ST6GALNAC3: variants seen among roughly 807,000 people sequenced by gnomAD.
ST6GALNAC3 encodes ST6 N-acetylgalactosaminide alpha-2,6-sialyltransferase 3.
Under a neutral mutation model 32.7 loss-of-function variants are expected in ST6GALNAC3, and 25 were observed. That is an observed-to-expected ratio of 0.76 (90% CI 0.56 to 1.07). ST6GALNAC3 has a LOEUF of 1.07. Ranked by LOEUF, ST6GALNAC3 falls within the 50% of genes least tolerant of loss-of-function variation. The pLI is 0.00. For missense variants in ST6GALNAC3, 355 were observed against 382.4 expected, an observed-to-expected ratio of 0.93 and a Z score of 0.60; for synonymous variants, 129 against 133.1, an observed-to-expected ratio of 0.97 and a Z score of 0.21.
chr1:76,312,331 AC>A (rs1205521552), intron 1 of ST6GALNAC3, among the ~76,000 whole-genome samples: 1 of 152,132 alleles, frequency 6.6e-6, no homozygotes, highest in Non-Finnish European at 1.5e-5. Flanking sequence ...CTAGAAGAAA[AC>A]CTAGGCAGTA....
At chr1:76,621,883 T>C (rs572249979) in intron 3 of ST6GALNAC3, among the ~76,000 whole-genome samples, 1 of 152,142 alleles carries the variant, frequency 6.6e-6, no homozygotes, top group East Asian at 1.9e-4. Flanking sequence ...GTGTAGTATA[T>C]TGATGAGAGA....
chr1:76,141,678 A>G (rs913771553), intron 1 of ST6GALNAC3, among the ~76,000 whole-genome samples: 17 of 152,236 alleles, frequency 1.1e-4, no homozygotes, highest in Non-Finnish European at 8.8e-5. Context: ...AAGATTTATA[A>G]CAAAGTTTTT....
chr1:76,563,801 T>A (rs1446860619), intron 3 of ST6GALNAC3, among the ~76,000 whole-genome samples: 1 of 152,206 alleles, frequency 6.6e-6, no homozygotes, highest in African/African-American at 2.4e-5. Flanking sequence ...AGAATAGTTA[T>A]TAGCCTAGCA....
chr1:76,612,187 G>A (rs1185569424), intron 3 of ST6GALNAC3, among the ~76,000 whole-genome samples: 2 of 152,174 alleles, frequency 1.3e-5, no homozygotes, highest in Non-Finnish European at 2.9e-5. Context: ...CTTGGGAGGT[G>A]AGGCCGGTTC....
At chr1:76,207,499 T>G (rs1454905619) in intron 1 of ST6GALNAC3, among the ~76,000 whole-genome samples, 1 of 152,358 alleles carries the variant, frequency 6.6e-6, no homozygotes, top group Middle Eastern at 3.4e-3. Context: ...TTCTGGAGAC[T>G]TGGAGGTCTA....
chr1:76,112,567 C>T (rs1648107289), intron 1 of ST6GALNAC3, among the ~76,000 whole-genome samples: 1 of 151,478 alleles, frequency 6.6e-6, no homozygotes, highest in African/African-American at 2.4e-5. Context: ...CGGAGACGCT[C>T]CTCACTTCCC....
intron 1 of ST6GALNAC3, among the ~76,000 whole-genome samples, chr1:76,245,424 T>G (rs1302541868): frequency 6.6e-6 from 1 of 152,116 alleles, no homozygotes; most frequent in African/African-American, 2.4e-5. Flanking sequence ...TGTAGGTCTA[T>G]CTCCTTCAGT....
intron 1 of ST6GALNAC3, among the ~76,000 whole-genome samples, chr1:76,250,612 C>T (rs981766168): frequency 2.0e-5 from 3 of 152,146 alleles, no homozygotes; most frequent in Non-Finnish European, 2.9e-5. Flanking sequence ...TTTCCAAGTA[C>T]ACTTCCAAGG....
chr1:76,176,201 G>T (rs965231847), intron 1 of ST6GALNAC3, among the ~76,000 whole-genome samples: 1 of 152,156 alleles, frequency 6.6e-6, no homozygotes, highest in African/African-American at 2.4e-5. Context: ...TTCATCTTCT[G>T]CTGGGGCTGC....
chr1:76,262,935 T>A (rs1658324922), intron 1 of ST6GALNAC3, among the ~76,000 whole-genome samples: 1 of 152,164 alleles, frequency 6.6e-6, no homozygotes, highest in Non-Finnish European at 1.5e-5. Context: ...CATCTGAGGC[T>A]CACTGGGCCC....
chr1:76,537,168 C>T (rs562666911), intron 3 of ST6GALNAC3, among the ~76,000 whole-genome samples: 11 of 152,246 alleles, frequency 7.2e-5, no homozygotes, highest in African/African-American at 2.6e-4. Context: ...CAAATTAGAA[C>T]TCAAGAATAA....
chr1:76,252,325 A>C (rs775524205), intron 1 of ST6GALNAC3, among the ~76,000 whole-genome samples: 1 of 152,112 alleles, frequency 6.6e-6, no homozygotes, highest in South Asian at 2.1e-4. Context: ...AGAATCTACT[A>C]CTGTTATATA....
intron 1 of ST6GALNAC3, among the ~76,000 whole-genome samples, chr1:76,080,157 G>T (rs1461168007): frequency 6.6e-6 from 1 of 152,194 alleles, no homozygotes; most frequent in African/African-American, 2.4e-5. Flanking sequence ...GAGTATATGG[G>T]TGGGGTGTTG....
chr1:76,537,782 T>C (rs908547479), intron 3 of ST6GALNAC3, among the ~76,000 whole-genome samples: 1 of 152,078 alleles, frequency 6.6e-6, no homozygotes, highest in South Asian at 2.1e-4. Context: ...AAAGGCTAAA[T>C]TCCTAGACAC....
intron 3 of ST6GALNAC3, among the ~76,000 whole-genome samples, chr1:76,441,847 T>C (rs1656632216): frequency 6.6e-6 from 1 of 152,184 alleles, no homozygotes; most frequent in Non-Finnish European, 1.5e-5. Flanking sequence ...CAAATCTGGT[T>C]CTTTCTCTGG....
At position 76,570,588 on chromosome 1, in the gene ST6GALNAC3, A is replaced by G. The variant is rs76202164; in HGVS notation, c.624-56864A>G. On this transcript the variant is annotated intron_variant, in intron 3 of 4. Coordinates refer to ENST00000328299, the MANE Select transcript of ST6GALNAC3 (RefSeq NM_152996.4). ...CTAAATTTTCACTTACTTCTAACTCAAACAGTTGATTCTTTATACTAACAC... is the reference window on the plus strand; with the variant it reads ...CTAAATTTTCACTTACTTCTAACTCGAACAGTTGATTCTTTATACTAACAC... 6.4e-3 allele frequency among the ~76,000 whole-genome samples: 967 copies of G among 152,202 alleles called. 6 individuals are homozygous for G. Among genetic ancestry groups the G allele is most frequent in the African/African-American group, 0.022 (926 of 41,556 alleles).
rs1044712007 is a variant in ST6GALNAC3 at position 76,633,049 on chromosome 1, G to A, written c.*4243G>A. ...GTGCTAGCCTTTTTAAGTAGGTCAGGCTTTTAGAGCTGAAAGAGATTTTAA... is the reference window on the plus strand; with the variant it reads ...GTGCTAGCCTTTTTAAGTAGGTCAGACTTTTAGAGCTGAAAGAGATTTTAA... On this transcript the variant is annotated 3_prime_UTR_variant, in exon 5 of 5. Transcript: ENST00000328299. 4 of 152,168 alleles carry A rather than the reference G, an allele frequency of 2.6e-5. No individual in the cohort carries two copies. Among genetic ancestry groups the A allele is most frequent in the Admixed American group, 2.0e-4 (3 of 15,276 alleles). 9.4% of individuals were successfully genotyped at this position (152,168 alleles called of 1,614,324 possible).
chr1:76,235,717 G>A (rs1312374845), intron 1 of ST6GALNAC3, among the ~76,000 whole-genome samples: 1 of 148,388 alleles, frequency 6.7e-6, no homozygotes, highest in Non-Finnish European at 1.5e-5. Context: ...CACAAACTGG[G>A]TGACTTAAAT....
intron 3 of ST6GALNAC3, among the ~76,000 whole-genome samples, chr1:76,489,687 G>A (rs778893520): frequency 1.5e-4 from 23 of 152,128 alleles, no homozygotes; most frequent in Non-Finnish European, 1.9e-4. Context: ...CTGCTTCAAG[G>A]AGGGGTCACG....
Sources: gnomAD v4.1 joint callset for allele counts (sites outside exome capture counted in the v4.1 genomes callset) on GRCh38, gnomAD v4.1.1 for gene constraint, MANE v1.5 for transcripts, NCBI Gene and HGNC (gene_info 2026-07-23, HGNC 2026-07-21) for gene names.